DUOXA2: variants seen among roughly 807,000 people sequenced by gnomAD.
DUOXA2 encodes dual oxidase maturation factor 2.
A neutral mutation model predicts 27.6 loss-of-function variants in DUOXA2; 22 were observed. The ratio of observed to expected loss-of-function variants is 0.80; its 90% CI spans 0.57 to 1.14. The LOEUF (loss-of-function observed/expected upper bound fraction) is 1.14, where lower values mean the gene tolerates loss of function less well. DUOXA2 is among the 50% of genes most tolerant of loss of function. DUOXA2 has a pLI of 0.00. For synonymous variants in DUOXA2, 188 were observed against 184.4 expected, an observed-to-expected ratio of 1.02 and a Z score of -0.16; for missense variants, 481 against 419.9, an observed-to-expected ratio of 1.15 and a Z score of -1.27.
chr15:45,116,200 C>T lies in DUOXA2; in HGVS notation c.282C>T (p.Arg94=). ...NTSYKAFSAA[R]VTARVRLLVG... is the part of the protein sequence containing the mutation. Reference sequence around the variant, plus strand: ...CCTACAAAGCCTTCAGCGCAGCGCGCGTTACAGCCCGTGTCCGTCTGCTCG... The same window carrying T: ...CCTACAAAGCCTTCAGCGCAGCGCGTGTTACAGCCCGTGTCCGTCTGCTCG... Residue 94 remains arginine, a synonymous_variant, in exon 3 of 6, where the codon CGC becomes CGT. Coordinates refer to ENST00000323030, the MANE Select transcript of DUOXA2 (RefSeq NM_207581.4). 1 of 1,614,134 alleles carries T rather than the reference C, an allele frequency of 6.2e-7. No homozygotes were observed. The highest frequency in any genetic ancestry group is 8.5e-7 in the Non-Finnish European group (1 of 1,180,030).
chr15:45,114,657 G>A lies in DUOXA2; in HGVS notation c.52G>A (p.Ala18Thr), dbSNP rs756986664. Residue 18 changes from alanine to threonine, a missense_variant, in exon 1 of 6, where the codon GCA (alanine) becomes ACA (threonine). Coordinates refer to ENST00000323030, the MANE Select transcript of DUOXA2 (RefSeq NM_207581.4). The stretch of plus-strand genomic sequence containing the variant: ...TTTTTACCCCCAGCCCCGGCATGCC[G>A]CAGGCTTCAGCGTTCCACTGCTCAT... The part of the protein sequence containing the change: ...LPFYPQPRHA[A>T]GFSVPLLIVI... 1.9e-6 allele frequency: 3 copies of A among 1,614,074 alleles called. No homozygotes were observed. Among genetic ancestry groups the A allele is most frequent in the African/African-American group, 1.3e-5 (1 of 74,930 alleles).
Position 45,117,847 on chromosome 15 carries a change from G to C in DUOXA2, c.901G>C (p.Gly301Arg). 6.2e-7 allele frequency: 1 copy of C among 1,613,690 alleles called. No homozygotes were observed. Among genetic ancestry groups the C allele is most frequent in the Non-Finnish European group, 8.5e-7 (1 of 1,180,024 alleles). ...GAGAGGGGGCTCACCTCTTATCCTC[G>C]GCGACCCACTGCACAAGCAGGCCGC... ...QERGGSPLIL[G>R]DPLHKQAALP... The change falls in exon 6 of 6, where the codon GGC becomes CGC. Residue 301 changes from glycine to arginine, a missense_variant. Gly to Arg is a moderately radical substitution (Grantham distance 125, BLOSUM62 -2). Transcript: ENST00000323030.
At chr15:45,114,826 C>T in intron 1 of DUOXA2, 74 bp downstream of exon 1, 1 of 1,603,934 alleles carries the variant, frequency 6.2e-7, no homozygotes, top group South Asian at 1.1e-5. Context: ...GGACCCAGGA[C>T]AGGTAAGACT....
In DUOXA2 at chr15:45,117,217, C is replaced by T. The variant is rs554211227; in HGVS notation, c.681C>T (p.Ile227=). The change falls in exon 5 of 6, where the codon ATC becomes ATT. Residue 227 remains isoleucine (I), a synonymous_variant. Transcript: ENST00000323030. ...TCGGGGTCTTCGCCTTGGCCTCCAT[C>T]TCTAGCGTGCCGCTCTGCCCGCTCC... is the stretch of plus-strand genomic sequence containing the variant. The part of the protein sequence containing the change: ...ALFGVFALAS[I]SSVPLCPLRL... 1 of 1,610,004 alleles carries T rather than the reference C, an allele frequency of 6.2e-7. No individual in the cohort carries two copies. Among genetic ancestry groups the T allele is most frequent in the South Asian group, 1.1e-5 (1 of 90,956 alleles).
At chr15:45,116,377 G>T in intron 3 of DUOXA2, 119 bp downstream of exon 3, 2 of 1,566,622 alleles carry the variant, frequency 1.3e-6, no homozygotes, top group Non-Finnish European at 8.7e-7. Context: ...TGTGGTCCTC[G>T]TGGATTTGCG....
intron 1 of DUOXA2, 69 bp from the exon 2 acceptor site, chr15:45,115,730 G>T (rs112803206): frequency 6.3e-7 from 1 of 1,577,650 alleles, no homozygotes; most frequent in African/African-American, 1.3e-5. Context: ...GGTGAAGTGG[G>T]GTCAAGGGTG....
At position 45,114,667 on chromosome 15, in the gene DUOXA2, G is replaced by C. The variant is rs772932339; in HGVS notation, c.62G>C (p.Ser21Thr). ...CAGCCCCGGCATGCCGCAGGCTTCA[G>C]CGTTCCACTGCTCATCGTTATTCTA... The part of the protein sequence containing the change: ...YPQPRHAAGF[S>T]VPLLIVILVF... The change falls in exon 1 of 6, where the codon AGC (serine) becomes ACC (threonine). Residue 21 changes from serine (S) to threonine (T), a missense_variant. Transcript: ENST00000323030. The C allele has an allele frequency of 1.9e-6, 3 of 1,614,228 alleles. No homozygotes were observed. Among genetic ancestry groups the C allele is most frequent in the South Asian group, 2.2e-5 (2 of 91,090 alleles).
chr15:45,114,622 G>A lies in DUOXA2; in HGVS notation c.17G>A (p.Gly6Asp). The A allele has an allele frequency of 6.2e-7, 1 of 1,614,146 alleles. No individual in the cohort carries two copies. Among genetic ancestry groups the A allele is most frequent in the Non-Finnish European group, 8.5e-7 (1 of 1,180,030 alleles). MTLWN[G>D]VLPFYPQPRH... is the part of the protein sequence containing the mutation. ...GCGTGCAGCATGACCCTGTGGAACG[G>A]CGTACTGCCTTTTTACCCCCAGCCC... Residue 6 changes from glycine to aspartate, a missense_variant, in exon 1 of 6, where the codon GGC becomes GAC. Transcript: ENST00000323030.
chr15:45,116,198 C>T lies in DUOXA2; in HGVS notation c.280C>T (p.Arg94Cys), dbSNP rs1326660372. 1 of 1,614,130 alleles carries T rather than the reference C, an allele frequency of 6.2e-7. No homozygotes were observed. The change falls in exon 3 of 6, where the codon CGC becomes TGC. Residue 94 changes from arginine to cysteine, a missense_variant. Physicochemically the swap from Arg to Cys is radical, Grantham distance 180. Coordinates refer to ENST00000323030, the MANE Select transcript of DUOXA2 (RefSeq NM_207581.4). ...NTSYKAFSAA[R>C]VTARVRLLVG... is the part of the protein sequence containing the mutation. ...ATCCTACAAAGCCTTCAGCGCAGCG[C>T]GCGTTACAGCCCGTGTCCGTCTGCT... is the stretch of plus-strand genomic sequence containing the variant.
Position 45,118,284 on chromosome 15 carries a change from C to T in DUOXA2, c.*375C>T. ...TGAGGCCGGAGGGACCCTACCAGAG[C>T]TAGCATCTTTCTGAACCACCCCAGG... is the stretch of plus-strand genomic sequence containing the variant. On this transcript the variant is annotated 3_prime_UTR_variant, in exon 6 of 6. Transcript: ENST00000323030. 1 of 1,341,324 alleles carries T rather than the reference C, an allele frequency of 7.5e-7. No homozygotes were observed. Among genetic ancestry groups the T allele is most frequent in the Non-Finnish European group, 9.5e-7 (1 of 1,051,144 alleles). 83.1% of individuals were successfully genotyped at this position (1,341,324 alleles called of 1,614,324 possible).
Position 45,114,352 on chromosome 15 carries a change from T to TAGCC in DUOXA2, c.-253_-252insGCCA. On this transcript the variant is annotated 5_prime_UTR_variant, in exon 1 of 6. Transcript: ENST00000323030. ...GCGCCAACCCGCAGAACCAGGAAAG[T>TAGCC]AACGGCTACAGACAGTGAGAAATAG... 1 of 552,568 alleles carries TAGCC rather than the reference T, an allele frequency of 1.8e-6. No individual in the cohort carries two copies. The highest frequency in any genetic ancestry group is 2.0e-5 in the South Asian group (1 of 49,206). The allele number at this position is 552,568 out of a possible 1,614,324, so 34.2% of individuals were successfully genotyped here. A position where few individuals can be genotyped will look rare whatever the true frequency, so the allele number is the denominator to read the frequency against.
At chr15:45,115,714 G>GATCC in intron 1 of DUOXA2, 85 bp from the exon 2 acceptor site, 2 of 1,500,122 alleles carry the variant, frequency 1.3e-6, no homozygotes. Context: ...TATAACTAAA[G>GATCC]ATCCAGGTGA....
At position 45,116,216 on chromosome 15, in the gene DUOXA2, C is replaced by T. The variant is rs2576090; in HGVS notation, c.298C>T (p.Arg100Cys). Residue 100 changes from arginine to cysteine, a missense_variant, in exon 3 of 6, where the codon CGT (arginine) becomes TGT (cysteine). Coordinates refer to ENST00000323030, the MANE Select transcript of DUOXA2 (RefSeq NM_207581.4). ...CGCAGCGCGCGTTACAGCCCGTGTC[C>T]GTCTGCTCGTGGGCCTGGAGGGCAT... ...FSAARVTARVRLLVGLEGINI... is the reference protein window; with the variant it reads ...FSAARVTARVCLLVGLEGINI... The T allele has an allele frequency of 6.2e-7, 1 of 1,613,990 alleles. No homozygotes were observed.
In DUOXA2 at chr15:45,117,938, C is replaced by A. The variant is rs1175164533; in HGVS notation, c.*29C>A. On this transcript the variant is annotated 3_prime_UTR_variant, in exon 6 of 6. Transcript: ENST00000323030. ...GGACCCAATCTGGACTCCTTCCCCG[C>A]CTTGGGACATCGCAGGCCGGGAAGC... 5 of 1,613,140 alleles carry A rather than the reference C, an allele frequency of 3.1e-6. No individual in the cohort carries two copies. Among genetic ancestry groups the A allele is most frequent in the East Asian group, 4.5e-5 (2 of 44,876 alleles).
intron 1 of DUOXA2, 82 bp downstream of exon 1, chr15:45,114,834 A>G: frequency 1.3e-6 from 2 of 1,599,078 alleles, no homozygotes; most frequent in Non-Finnish European, 8.6e-7. Flanking sequence ...GACAGGTAAG[A>G]CTGTACAAGA....
Position 45,116,735 on chromosome 15 carries a change from T to C in DUOXA2, c.554+6T>C, listed in dbSNP as rs2576092. 0.89 allele frequency: 1,441,566 copies of C among 1,612,548 alleles called. 654,719 individuals are homozygous for C. The highest frequency in any genetic ancestry group is 0.94 in the East Asian group (41,956 of 44,852). On this transcript the variant is annotated splice_donor_region_variant and intron_variant, in intron 4 of 5. Coordinates refer to ENST00000323030, the MANE Select transcript of DUOXA2 (RefSeq NM_207581.4). ...TACGCCTCGGCCACGCTATGGTAAG[T>C]GCTGGAGGGAAGGCTGTGTGCACGT...
chr15:45,118,074 A>C lies in DUOXA2; in HGVS notation c.*165A>C. On this transcript the variant is annotated 3_prime_UTR_variant, in exon 6 of 6. Transcript: ENST00000323030. ...GGGAAAGTCTCCTGGGGCGATCTGTAAATAAACCTTTTTTTCTTTTGTTTT... is the reference window on the plus strand; with the variant it reads ...GGGAAAGTCTCCTGGGGCGATCTGTCAATAAACCTTTTTTTCTTTTGTTTT... 6.5e-7 allele frequency: 1 copy of C among 1,535,438 alleles called. No homozygotes were observed. Among genetic ancestry groups the C allele is most frequent in the Non-Finnish European group, 8.8e-7 (1 of 1,142,598 alleles).
Position 45,117,079 on chromosome 15 carries a change from A to C in DUOXA2, c.555-12A>C, listed in dbSNP as rs1347956392. 2 of 1,597,526 alleles carry C rather than the reference A, an allele frequency of 1.3e-6. No homozygotes were observed. Among genetic ancestry groups the C allele is most frequent in the African/African-American group, 2.7e-5 (2 of 74,858 alleles). The stretch of plus-strand genomic sequence containing the variant: ...AAGCCCGCTCACAGCGGGTCCCCCC[A>C]CTCCCCGGCAGGGTGGCGTTCTGCT... On this transcript the variant is annotated splice_polypyrimidine_tract_variant and intron_variant, in intron 4 of 5. Coordinates refer to ENST00000323030, the MANE Select transcript of DUOXA2 (RefSeq NM_207581.4).
intron 1 of DUOXA2, chr15:45,115,406 T>TG (rs1894579803): frequency 2.1e-6 from 1 of 482,132 alleles, no homozygotes; most frequent in Middle Eastern, 3.1e-4. Flanking sequence ...GAGATCAGGC[T>TG]GGGGCCTCCC....
Sources: gnomAD v4.1 joint callset for allele counts on GRCh38, gnomAD v4.1.1 for gene constraint, MANE v1.5 for transcripts, NCBI Gene and HGNC (gene_info 2026-07-23, HGNC 2026-07-21) for gene names.